EPHA4: variants seen among roughly 807,000 people sequenced by gnomAD.
The protein encoded by EPHA4 is ephrin type-A receptor 4.
A neutral mutation model predicts 108.3 loss-of-function variants in EPHA4; 19 were observed. That is an observed-to-expected ratio of 0.18 (90% CI 0.12 to 0.26). The LOEUF is 0.26. EPHA4 is among the 10% of genes least tolerant of loss of function. The pLI is 1.00. For synonymous variants in EPHA4, 449 were observed against 455.5 expected (o/e 0.99, Z 0.18); for missense variants, 917 against 1,254.0 (o/e 0.73, Z 4.06).
chr2:221,532,928 G>C (rs1229577412), intron 3 of EPHA4: 5 of 152,274 alleles, frequency 3.3e-5, no homozygotes, highest in Admixed American at 6.5e-5. Flanking sequence ...ACCAGGCTCT[G>C]AGTGAAGACT....
chr2:221,506,000 G>C (rs1378516791), intron 3 of EPHA4, among the ~76,000 whole-genome samples: 1 of 152,132 alleles, frequency 6.6e-6, no homozygotes, highest in East Asian at 1.9e-4. Flanking sequence ...TTAATATAGA[G>C]TCGCTTGAGG....
intron 5 of EPHA4, among the ~76,000 whole-genome samples, chr2:221,471,493 TTGGAAGTTAA>T (rs1691487387): frequency 6.6e-6 from 1 of 152,176 alleles, no homozygotes. Context: ...GAGGAAGTTA[TTGGAAGTTAA>T]TGGAAATTAT....
intron 2 of EPHA4, among the ~76,000 whole-genome samples, chr2:221,565,544 C>T (rs1694605814): frequency 6.6e-6 from 1 of 152,086 alleles, no homozygotes; most frequent in Admixed American, 6.6e-5. Context: ...GGTAAAGCTC[C>T]ATGCAGTCCA....
chr2:221,504,005 A>C (rs1013255989), intron 3 of EPHA4, among the ~76,000 whole-genome samples: 2 of 152,218 alleles, frequency 1.3e-5, no homozygotes, highest in African/African-American at 4.8e-5. Context: ...GCATCTGAAA[A>C]CTTTCACTAT....
chr2:221,548,211 G>T (rs552903865), intron 3 of EPHA4, among the ~76,000 whole-genome samples: 1 of 152,148 alleles, frequency 6.6e-6, no homozygotes, highest in African/African-American at 2.4e-5. Context: ...GGACAAATTA[G>T]CCAGGCGTGG....
intron 5 of EPHA4, 56 bp from the exon 6 acceptor site, chr2:221,458,046 T>C (rs1691018610): frequency 1.3e-6 from 2 of 1,582,384 alleles, no homozygotes; most frequent in South Asian, 1.2e-5. Context: ...TAAATGGTTT[T>C]GGTGGTAGCC....
intron 3 of EPHA4, among the ~76,000 whole-genome samples, chr2:221,543,278 ACT>A (rs1333311558): frequency 2.6e-5 from 4 of 152,094 alleles, no homozygotes; most frequent in Admixed American, 2.0e-4. Context: ...GCAACAGAAA[ACT>A]CTGTAGCCAT....
At chr2:221,436,298 A>G (rs928562420) in intron 13 of EPHA4, 101 bp downstream of exon 13, 13 of 1,126,392 alleles carry the variant, frequency 1.2e-5, no homozygotes, top group Admixed American at 1.1e-4. Context: ...GGATGAGAAA[A>G]CTTAAAAAAT....
At chr2:221,463,222 A>T (rs1017494377) in intron 5 of EPHA4, among the ~76,000 whole-genome samples, 9 of 152,190 alleles carry the variant, frequency 5.9e-5, no homozygotes, top group African/African-American at 9.7e-5. Flanking sequence ...GTAGCAAAAT[A>T]CCATTTTTAA....
intron 6 of EPHA4, 83 bp from the exon 7 acceptor site, chr2:221,456,855 A>G: frequency 6.7e-7 from 1 of 1,493,682 alleles, no homozygotes; most frequent in Non-Finnish European, 9.2e-7. Flanking sequence ...AAAGGAGTCA[A>G]GCCAGTCAAC....
intron 4 of EPHA4, among the ~76,000 whole-genome samples, chr2:221,497,005 A>AC (rs552248899): frequency 4.0e-5 from 6 of 151,858 alleles, no homozygotes; most frequent in African/African-American, 1.2e-4. Flanking sequence ...CCTGAGTCCT[A>AC]CCCCCCCACC....
At chr2:221,495,889 G>A (rs781117284) in intron 4 of EPHA4, among the ~76,000 whole-genome samples, 12 of 152,078 alleles carry the variant, frequency 7.9e-5, no homozygotes, top group Non-Finnish European at 1.5e-4. Flanking sequence ...TTAGTGTGCC[G>A]TCACAGTGAG....
Position 221,430,116 on chromosome 2 carries a change from G to C in EPHA4, c.2532C>G (p.Pro844=). The C allele has an allele frequency of 6.2e-7, 1 of 1,611,334 alleles. No homozygotes were observed. The highest frequency in any genetic ancestry group is 1.1e-5 in the South Asian group (1 of 90,450). ...GCGCAATGGGGCAGTCCATTGGAGG[G>C]GGTAACCGATAGCCTTCCTCAATGG... is the stretch of plus-strand genomic sequence containing the variant. ...IKAIEEGYRL[P]PPMDCPIALH... The change falls in exon 15 of 18, where the codon CCC becomes CCG. Residue 844 remains proline (P), a synonymous_variant. Coordinates refer to ENST00000281821, the MANE Select transcript of EPHA4 (RefSeq NM_004438.5).
chr2:221,528,056 T>C (rs934269491), intron 3 of EPHA4, among the ~76,000 whole-genome samples: 1 of 149,462 alleles, frequency 6.7e-6, no homozygotes. Context: ...TCCTTCTCTG[T>C]GCACACAGCA....
intron 17 of EPHA4, among the ~76,000 whole-genome samples, chr2:221,424,140 A>ATT (rs34786402): frequency 6.8e-6 from 1 of 147,068 alleles, no homozygotes; most frequent in Non-Finnish European, 1.5e-5. Flanking sequence ...AATAATAATA[A>ATT]TTTTTTTTTT....
In EPHA4 at chr2:221,572,245, C is replaced by T; in HGVS notation, c.4G>A (p.Ala2Thr). The T allele has an allele frequency of 6.2e-7, 1 of 1,613,992 alleles. No individual in the cohort carries two copies. The highest frequency in any genetic ancestry group is 8.5e-7 in the Non-Finnish European group (1 of 1,179,814). M[A>T]GIFYFALFSC... ...AATAGGGCGAAATAGAAAATCCCAG[C>T]CATGGTTCGCCGGTGCCAACGCTGC... The change falls in exon 1 of 18, where the codon GCT becomes ACT. Residue 2 changes from alanine (A) to threonine (T), a missense_variant. Transcript: ENST00000281821.
At chr2:221,522,986 T>C (rs559344174) in intron 3 of EPHA4, among the ~76,000 whole-genome samples, 14 of 152,144 alleles carry the variant, frequency 9.2e-5, no homozygotes, top group South Asian at 4.2e-4. Context: ...TGGTCTCGAA[T>C]TCCTGACCTC....
intron 3 of EPHA4, among the ~76,000 whole-genome samples, chr2:221,538,337 A>C (rs571087950): frequency 6.6e-6 from 1 of 152,354 alleles, no homozygotes; most frequent in South Asian, 2.1e-4. Context: ...GGAGTGTAAA[A>C]AATGTGAAAA....
intron 8 of EPHA4, among the ~76,000 whole-genome samples, chr2:221,451,239 T>C (rs1034632767): frequency 6.6e-6 from 1 of 152,214 alleles, no homozygotes; most frequent in Non-Finnish European, 1.5e-5. Context: ...ACGGTAATAC[T>C]GTTTTGGAAA....
Sources: gnomAD v4.1 joint callset for allele counts (sites outside exome capture counted in the v4.1 genomes callset) on GRCh38, gnomAD v4.1.1 for gene constraint, MANE v1.5 for transcripts, NCBI Gene and HGNC (gene_info 2026-07-23, HGNC 2026-07-21) for gene names.